The following PYHIN1 variants were observed in gnomAD, a reference collection of about 807,000 sequenced individuals.
The protein encoded by PYHIN1 is pyrin and HIN domain-containing protein 1.
A neutral mutation model predicts 43.7 loss-of-function variants in PYHIN1; 32 were observed. The observed-to-expected ratio is 0.73, with a 90% CI of 0.55 to 0.98. PYHIN1 has a LOEUF of 0.98. PYHIN1 is among the 50% of genes least tolerant of loss of function. The probability of loss-of-function intolerance (pLI) is 0.00; values close to 1 mark genes in which losing one functional copy is unlikely to be tolerated. For missense variants in PYHIN1, 588 were observed against 589.5 expected, an observed-to-expected ratio of 1.00 and a Z score of 0.03; for synonymous variants, 205 against 203.1, an observed-to-expected ratio of 1.01 and a Z score of -0.08.
chr1:158,950,980 T>C (rs1259224039), intron 7 of PYHIN1, among the ~76,000 whole-genome samples: 1 of 152,104 alleles, frequency 6.6e-6, no homozygotes, highest in African/African-American at 2.4e-5. Flanking sequence ...ATTAGATGAG[T>C]GTTAGTATCA....
At chr1:158,969,343 C>CAAA in intron 7 of PYHIN1, among the ~76,000 whole-genome samples, 1 of 151,868 alleles carries the variant, frequency 6.6e-6, no homozygotes, top group Admixed American at 6.6e-5. Flanking sequence ...ATGCCTATAT[C>CAAA]TTCAGTAAAT....
At chr1:158,937,773 G>A (rs918343400) in intron 2 of PYHIN1, among the ~76,000 whole-genome samples, 8 of 151,890 alleles carry the variant, frequency 5.3e-5, no homozygotes, top group African/African-American at 1.9e-4. Context: ...GGTGAAACCC[G>A]TCTCTACTAA....
intron 7 of PYHIN1, among the ~76,000 whole-genome samples, chr1:158,962,427 C>T (rs1650374040): frequency 6.6e-6 from 1 of 152,160 alleles, no homozygotes; most frequent in Non-Finnish European, 1.5e-5. Flanking sequence ...ACTGGAGCCA[C>T]CCCACGGAGA....
chr1:158,961,286 C>T (rs1222556544), intron 7 of PYHIN1, among the ~76,000 whole-genome samples: 1 of 152,020 alleles, frequency 6.6e-6, no homozygotes, highest in Non-Finnish European at 1.5e-5. Context: ...ATTATATGTA[C>T]TTTATGTATC....
chr1:158,983,237 T>G, the PYHIN1 span, among the ~76,000 whole-genome samples: 5 of 152,118 alleles, frequency 3.3e-5, no homozygotes, highest in Non-Finnish European at 1.5e-5. Flanking sequence ...TCAAGAGGTA[T>G]GATTTCAGCT....
chr1:158,945,804 G>C (rs1356818899), intron 7 of PYHIN1, among the ~76,000 whole-genome samples: 1 of 152,318 alleles, frequency 6.6e-6, no homozygotes, highest in Admixed American at 6.5e-5. Context: ...TTCTGTGTTT[G>C]AGCATTTAAC....
At chr1:158,954,953 T>C (rs1413399067) in intron 7 of PYHIN1, among the ~76,000 whole-genome samples, 2 of 149,926 alleles carry the variant, frequency 1.3e-5, no homozygotes, top group Non-Finnish European at 3.0e-5. Flanking sequence ...GTTGCAATCC[T>C]AGTCTCTGAT....
At chr1:158,987,846 T>C in the PYHIN1 span, among the ~76,000 whole-genome samples, 2 of 152,232 alleles carry the variant, frequency 1.3e-5, no homozygotes, top group African/African-American at 4.8e-5. Context: ...TAAAATAGTG[T>C]CTTCCTGGCA....
intron 7 of PYHIN1, among the ~76,000 whole-genome samples, chr1:158,946,181 A>T (rs1010356432): frequency 1.3e-5 from 2 of 152,204 alleles, no homozygotes; most frequent in Non-Finnish European, 2.9e-5. Context: ...AGAATGAACA[A>T]AGTGTACTGT....
intron 7 of PYHIN1, among the ~76,000 whole-genome samples, chr1:158,952,065 T>C (rs1649564894): frequency 6.6e-6 from 1 of 150,898 alleles, no homozygotes. Flanking sequence ...CCCAGGGTGG[T>C]GGCTGCGTTG....
chr1:158,953,814 G>A (rs1334876417), intron 7 of PYHIN1, among the ~76,000 whole-genome samples: 2 of 151,828 alleles, frequency 1.3e-5, no homozygotes, highest in Middle Eastern at 3.4e-3. Context: ...AGCTATGGGA[G>A]GACATTCAAA....
At chr1:158,978,124 T>TC (rs1480638510), downstream of PYHIN1, among the ~76,000 whole-genome samples, 7 of 151,848 alleles carry the variant, frequency 4.6e-5, no homozygotes, top group South Asian at 2.1e-4. Flanking sequence ...AGTTTTTTTT[T>TC]CCTCTTGCCC....
chr1:158,984,419 G>A, the PYHIN1 span, among the ~76,000 whole-genome samples: 3 of 152,200 alleles, frequency 2.0e-5, no homozygotes, highest in South Asian at 6.2e-4. Flanking sequence ...AGTCATTCAG[G>A]AGTAAGTTGT....
rs1437964865 is a variant in PYHIN1 at position 158,962,260 on chromosome 1, C to T, written c.1360-11387C>T. 2.6e-5 allele frequency among the ~76,000 whole-genome samples: 4 copies of T among 152,108 alleles called. No individual in the cohort carries two copies. In the East Asian group the frequency reaches 7.7e-4, roughly 29 times the overall value. On this transcript the variant is annotated intron_variant, in intron 7 of 8. Transcript: ENST00000368140. ...ACTTCAGACTCCAGTTACTCCCTAC[C>T]TGGGCTTTGGTGACTATAGCATCTC...
chr1:158,942,470 A>G (rs1648980980), intron 5 of PYHIN1, 71 bp downstream of exon 5: 3 of 1,254,420 alleles, frequency 2.4e-6, no homozygotes, highest in South Asian at 3.0e-5. Context: ...GATGTGCTAA[A>G]TGGAAGTTTG....
At chr1:158,978,405 A>T (rs1265025915), downstream of PYHIN1, among the ~76,000 whole-genome samples, 3 of 152,076 alleles carry the variant, frequency 2.0e-5, no homozygotes, top group Non-Finnish European at 4.4e-5. Flanking sequence ...AGATTGAGTG[A>T]AGTGGTCAAA....
At chr1:158,983,808 A>C in the PYHIN1 span, among the ~76,000 whole-genome samples, 3 of 152,030 alleles carry the variant, frequency 2.0e-5, no homozygotes, top group Non-Finnish European at 4.4e-5. Flanking sequence ...TATGGATTCA[A>C]TTTCAGAACT....
downstream of PYHIN1, among the ~76,000 whole-genome samples, chr1:158,979,132 G>A (rs1042523876): frequency 1.3e-5 from 2 of 152,108 alleles, no homozygotes; most frequent in Admixed American, 1.3e-4. Flanking sequence ...ACATAGTGAG[G>A]CATGTATTAG....
chr1:158,954,565 AC>A (rs1649797400), intron 7 of PYHIN1, among the ~76,000 whole-genome samples: 2 of 151,974 alleles, frequency 1.3e-5, no homozygotes. Context: ...AGATTTTGTC[AC>A]CACCAGGCCT....
Sources: gnomAD v4.1 joint callset for allele counts (sites outside exome capture counted in the v4.1 genomes callset) on GRCh38, gnomAD v4.1.1 for gene constraint, MANE v1.5 for transcripts, NCBI Gene and HGNC (gene_info 2026-07-23, HGNC 2026-07-21) for gene names.